Variants in DPYD observed in about 807,000 individuals in gnomAD.
The protein encoded by DPYD is dihydropyrimidine dehydrogenase, also known as dihydropyrimidine dehydrogenase [NADP(+)].
Under a neutral mutation model 116.2 loss-of-function variants are expected in DPYD, and 109 were observed. The ratio of observed to expected loss-of-function variants is 0.94; its 90% CI spans 0.80 to 1.10. The LOEUF (loss-of-function observed/expected upper bound fraction) is 1.10. DPYD is among the 50% of genes least tolerant of loss of function. The pLI, the probability that DPYD is intolerant of heterozygous loss-of-function variation, is 0.00. For missense variants in DPYD, 1,302 were observed against 1,254.5 expected (o/e 1.04, Z -0.57); for synonymous variants, 440 against 432.0 (o/e 1.02, Z -0.23).
chr1:97,876,700 A>G (rs1441434883), intron 2 of DPYD, among the ~76,000 whole-genome samples: 1 of 151,998 alleles, frequency 6.6e-6, no homozygotes, highest in Non-Finnish European at 1.5e-5. Flanking sequence ...TTAGGCAGAG[A>G]AGCCACTGGG....
At chr1:97,080,802 C>T (rs1458446383) in intron 22 of DPYD, among the ~76,000 whole-genome samples, 1 of 152,060 alleles carries the variant, frequency 6.6e-6, no homozygotes, top group East Asian at 1.9e-4. Flanking sequence ...TCTTCTGAGA[C>T]AGAAGAATCA....
At chr1:97,110,062 T>C (rs1049426711) in intron 20 of DPYD, among the ~76,000 whole-genome samples, 9 of 152,030 alleles carry the variant, frequency 5.9e-5, no homozygotes, top group Non-Finnish European at 1.0e-4. Flanking sequence ...TCCCTCTACA[T>C]TGGCCATGAA....
At chr1:97,282,843 T>C (rs1228876225) in intron 18 of DPYD, among the ~76,000 whole-genome samples, 5 of 152,150 alleles carry the variant, frequency 3.3e-5, no homozygotes, top group Admixed American at 3.3e-4. Flanking sequence ...TATGTTAATT[T>C]GCTTAGGATA....
intron 3 of DPYD, among the ~76,000 whole-genome samples, chr1:97,783,178 C>T (rs1666850504): frequency 6.6e-6 from 1 of 152,042 alleles, no homozygotes; most frequent in South Asian, 2.1e-4. Context: ...AAATAACTGG[C>T]CTCCTCCAAA....
At chr1:97,402,120 C>T (rs1046134783) in intron 14 of DPYD, among the ~76,000 whole-genome samples, 1 of 152,056 alleles carries the variant, frequency 6.6e-6, no homozygotes, top group Non-Finnish European at 1.5e-5. Flanking sequence ...TTCTAGCATG[C>T]CTTTAAACTT....
chr1:97,251,483 A>G (rs770970187), intron 18 of DPYD, among the ~76,000 whole-genome samples: 5 of 152,022 alleles, frequency 3.3e-5, no homozygotes, highest in Non-Finnish European at 7.4e-5. Flanking sequence ...GAAGATCATC[A>G]TCTACAGTAC....
intron 3 of DPYD, among the ~76,000 whole-genome samples, chr1:97,740,816 GTT>G (rs1289838871): frequency 1.3e-5 from 2 of 152,108 alleles, no homozygotes; most frequent in Non-Finnish European, 2.9e-5. Flanking sequence ...CTTGCATGCA[GTT>G]TTTTATGATA....
At chr1:97,721,716 C>T in intron 4 of DPYD, 45 bp from the exon 5 acceptor site, 1 of 1,555,596 alleles carries the variant, frequency 6.4e-7, no homozygotes, top group Non-Finnish European at 8.8e-7. Context: ...TAAAAATATA[C>T]TTTAAACAGC....
intron 14 of DPYD, among the ~76,000 whole-genome samples, chr1:97,420,966 G>T (rs763200458): frequency 2.6e-5 from 4 of 152,092 alleles, no homozygotes; most frequent in Non-Finnish European, 5.9e-5. Context: ...TTTAGTTGCT[G>T]CCTTCCCCCT....
intron 16 of DPYD, among the ~76,000 whole-genome samples, chr1:97,330,421 T>C (rs2101156414): frequency 6.6e-6 from 1 of 152,326 alleles, no homozygotes; most frequent in Admixed American, 6.5e-5. Context: ...CTGCATGTTA[T>C]ATAACCAGTC....
intron 13 of DPYD, among the ~76,000 whole-genome samples, chr1:97,477,604 C>CTTCTTTTTTTTTTT (rs1678043959): frequency 8.8e-6 from 1 of 113,656 alleles, no homozygotes; most frequent in African/African-American, 3.4e-5. Flanking sequence ...GACTGTTCTT[C>CTTCTTTTTTTTTTT]TTTTTTTTTT....
At chr1:97,867,635 A>T (rs7412142) in intron 2 of DPYD, among the ~76,000 whole-genome samples, 10,318 of 151,942 alleles carry the variant, frequency 0.068, 385 homozygotes, top group Middle Eastern at 0.13. Flanking sequence ...GGATCATCTC[A>T]ATTGATGCAG....
intron 13 of DPYD, among the ~76,000 whole-genome samples, chr1:97,499,935 A>C (rs769079355): frequency 3.3e-4 from 50 of 152,094 alleles, no homozygotes; most frequent in Non-Finnish European, 3.2e-4. Context: ...TCTGGGTGGC[A>C]AATGGTAATA....
chr1:97,309,651 C>T (rs929122546), intron 16 of DPYD, among the ~76,000 whole-genome samples: 14 of 151,684 alleles, frequency 9.2e-5, no homozygotes, highest in African/African-American at 3.4e-4. Context: ...TGATGAGGTA[C>T]AGCCCAGTGT....
chr1:97,268,226 G>A (rs947963548), intron 18 of DPYD, among the ~76,000 whole-genome samples: 1 of 152,110 alleles, frequency 6.6e-6, no homozygotes, highest in African/African-American at 2.4e-5. Context: ...TGGCTTTGAT[G>A]GGTTCAGTAC....
At chr1:97,267,892 A>G (rs1450168555) in intron 18 of DPYD, among the ~76,000 whole-genome samples, 3 of 152,162 alleles carry the variant, frequency 2.0e-5, no homozygotes, top group African/African-American at 7.2e-5. Context: ...TCCTAAGTCC[A>G]AAGTCCAGAG....
chr1:97,382,490 G>T (rs1672031098), intron 14 of DPYD, 29 bp from the exon 15 acceptor site: 1 of 1,378,390 alleles, frequency 7.3e-7, no homozygotes, highest in African/African-American at 1.4e-5. Flanking sequence ...AAGAATATAA[G>T]TTCAAGTAGT....
intron 3 of DPYD, among the ~76,000 whole-genome samples, chr1:97,807,892 G>T (rs1001474204): frequency 4.0e-5 from 6 of 151,822 alleles, no homozygotes; most frequent in Non-Finnish European, 8.8e-5. Context: ...ATCATTTATC[G>T]ATTGAAATGC....
chr1:97,469,761 AT>A (rs950765565), intron 13 of DPYD, among the ~76,000 whole-genome samples: 2 of 152,182 alleles, frequency 1.3e-5, no homozygotes, highest in Non-Finnish European at 2.9e-5. Flanking sequence ...AAGTAATCTT[AT>A]TTTTTTAAAT....
Sources: allele counts gnomAD v4.1 joint callset (sites outside exome capture counted in the v4.1 genomes callset), GRCh38; gene constraint gnomAD v4.1.1; transcripts MANE v1.5; gene names NCBI Gene and HGNC (gene_info 2026-07-23, HGNC 2026-07-21).